Variants in RSU1 observed in about 807,000 individuals in gnomAD.
The protein encoded by RSU1 is rsu-1.
In RSU1, 26 loss-of-function variants were observed where a neutral mutation model predicts 31.1. The ratio of observed to expected loss-of-function variants is 0.84; its 90% CI spans 0.61 to 1.16. The LOEUF (loss-of-function observed/expected upper bound fraction) is 1.16. Among genes scored for constraint, RSU1 ranks in the 50% most tolerant of loss-of-function variants. The pLI is 0.00. For synonymous variants in RSU1, 164 were observed against 136.3 expected (o/e 1.20, Z -1.41); for missense variants, 320 against 339.1 (o/e 0.94, Z 0.44).
chr10:16,678,466 A>G (rs950781656), intron 8 of RSU1, among the ~76,000 whole-genome samples: 9 of 152,184 alleles, frequency 5.9e-5, no homozygotes, highest in African/African-American at 2.2e-4. Context: ...TTACGAGGTG[A>G]TATCACCTTG....
At chr10:16,646,288 C>T (rs911265549) in intron 8 of RSU1, among the ~76,000 whole-genome samples, 5 of 152,052 alleles carry the variant, frequency 3.3e-5, no homozygotes, top group African/African-American at 1.2e-4. Context: ...GTCAGGAACG[C>T]TGTGTTCAAC....
chr10:16,749,927 T>C (rs1367403799), intron 7 of RSU1, among the ~76,000 whole-genome samples: 1 of 152,156 alleles, frequency 6.6e-6, no homozygotes, highest in Non-Finnish European at 1.5e-5. Flanking sequence ...GACCTCACCG[T>C]GATCAGGAAG....
chr10:16,762,911 G>A (rs1317755978), intron 4 of RSU1, among the ~76,000 whole-genome samples: 2 of 151,858 alleles, frequency 1.3e-5, no homozygotes, highest in African/African-American at 2.4e-5. Flanking sequence ...TACTCGGGAC[G>A]CTGAGGGAGG....
In RSU1 at chr10:16,645,861, C is replaced by CGTATATATATATAT. The variant is rs1834529930; in HGVS notation, c.731+49161_731+49162insATATATATATATAC. Among the ~76,000 whole-genome samples, 15 of 112,246 alleles carry CGTATATATATATAT rather than the reference C, an allele frequency of 1.3e-4. 2 individuals are homozygous for CGTATATATATATAT. Among genetic ancestry groups the CGTATATATATATAT allele is most frequent in the African/African-American group, 5.7e-4 (15 of 26,188 alleles). The allele number at this position is 112,246 out of a possible 152,430, so 73.6% of individuals were successfully genotyped here. Reference sequence around the variant, plus strand: ...TGTCTAGAAGGTTTTAAAATATATACGTATATATACATATATGTGTATATA... The same window carrying CGTATATATATATAT: ...TGTCTAGAAGGTTTTAAAATATATACGTATATATATATATGTATATATACATATATGTGTATATA... On this transcript the variant is annotated intron_variant, in intron 8 of 8. Transcript: ENST00000345264.
chr10:16,696,625 C>A (rs1008330749), intron 7 of RSU1, among the ~76,000 whole-genome samples: 1 of 152,192 alleles, frequency 6.6e-6, no homozygotes, highest in Non-Finnish European at 1.5e-5. Context: ...AGATCCATTT[C>A]TCTCCAAGAT....
intron 7 of RSU1, among the ~76,000 whole-genome samples, chr10:16,703,580 A>G (rs1185687829): frequency 6.6e-6 from 1 of 152,206 alleles, no homozygotes; most frequent in African/African-American, 2.4e-5. Context: ...ATTATGAGAC[A>G]CTCAGAGCAT....
chr10:16,636,255 C>T (rs762173197), intron 8 of RSU1, among the ~76,000 whole-genome samples: 1 of 152,086 alleles, frequency 6.6e-6, no homozygotes, highest in Non-Finnish European at 1.5e-5. Flanking sequence ...TAACTATCCC[C>T]AAACTGCCCC....
chr10:16,671,612 C>T (rs140389573), intron 8 of RSU1, among the ~76,000 whole-genome samples: 6 of 151,716 alleles, frequency 4.0e-5, no homozygotes, highest in South Asian at 2.1e-4. Flanking sequence ...CCACACCTGA[C>T]TCAAAGGTGT....
intron 7 of RSU1, among the ~76,000 whole-genome samples, chr10:16,699,788 C>T (rs1165065445): frequency 6.6e-6 from 1 of 152,218 alleles, no homozygotes; most frequent in East Asian, 1.9e-4. Flanking sequence ...ACTGGGGAAG[C>T]CAGGCAGCGC....
At chr10:16,748,217 T>C (rs1184850847) in intron 7 of RSU1, 2 of 152,228 alleles carry the variant, frequency 1.3e-5, no homozygotes, top group African/African-American at 2.4e-5. Context: ...GGAGCTAAAA[T>C]TGAGGTGCCA....
chr10:16,672,594 C>T (rs1835129644), intron 8 of RSU1, among the ~76,000 whole-genome samples: 1 of 149,266 alleles, frequency 6.7e-6, no homozygotes, highest in Admixed American at 6.7e-5. Context: ...AATACTTATG[C>T]TGAATGAAAG....
intron 8 of RSU1, among the ~76,000 whole-genome samples, chr10:16,674,399 G>GT (rs79255856): frequency 0.063 from 8,830 of 139,926 alleles, 696 homozygotes; most frequent in African/African-American, 0.19. Context: ...GTCACGGAAG[G>GT]TTTTTTTTTT....
chr10:16,736,987 A>C (rs1399700080), intron 7 of RSU1, among the ~76,000 whole-genome samples: 2 of 143,258 alleles, frequency 1.4e-5, no homozygotes, highest in Admixed American at 1.4e-4. Flanking sequence ...ACAGTGCACA[A>C]GAAACTATCC....
intron 8 of RSU1, among the ~76,000 whole-genome samples, chr10:16,683,868 C>T (rs1835384753): frequency 6.6e-6 from 1 of 152,220 alleles, no homozygotes; most frequent in South Asian, 2.1e-4. Context: ...CAACTTCGAA[C>T]AATTCGAAGC....
intron 2 of RSU1, among the ~76,000 whole-genome samples, chr10:16,792,684 C>A (rs1564360148): frequency 6.6e-6 from 1 of 152,244 alleles, no homozygotes; most frequent in Non-Finnish European, 1.5e-5. Flanking sequence ...GTAGACAGAA[C>A]CCTCGGCAGT....
At position 16,592,145 on chromosome 10, in the gene RSU1, T is replaced by A. The variant is rs1333779675; in HGVS notation, c.*1249A>T. Reference sequence around the variant, plus strand: ...GAAGCCGAAAGGATACAGCAGAGATTTTATATGCCCCAGTGGGTCCTGGTC... The same window carrying A: ...GAAGCCGAAAGGATACAGCAGAGATATTATATGCCCCAGTGGGTCCTGGTC... On this transcript the variant is annotated 3_prime_UTR_variant, in exon 9 of 9. Coordinates refer to ENST00000345264, the MANE Select transcript of RSU1 (RefSeq NM_012425.4). 1 of 149,582 alleles carries A rather than the reference T, an allele frequency of 6.7e-6. No individual in the cohort carries two copies. Among genetic ancestry groups the A allele is most frequent in the Non-Finnish European group, 1.5e-5 (1 of 67,862 alleles). The allele number at this position is 149,582 out of a possible 1,614,324, so 9.3% of individuals were successfully genotyped here. A position where few individuals can be genotyped will look rare whatever the true frequency, so the allele number is the denominator to read the frequency against.
chr10:16,698,256 C>A (rs1444949082), intron 7 of RSU1, among the ~76,000 whole-genome samples: 3 of 152,050 alleles, frequency 2.0e-5, no homozygotes, highest in African/African-American at 7.2e-5. Flanking sequence ...CACAAGCTCC[C>A]TTCCGCCGAG....
intron 7 of RSU1, among the ~76,000 whole-genome samples, chr10:16,719,160 T>C (rs1836205052): frequency 6.6e-6 from 1 of 151,794 alleles, no homozygotes; most frequent in Non-Finnish European, 1.5e-5. Context: ...GATAAAAAAT[T>C]CGCCGAGTGT....
At chr10:16,669,603 T>C (rs918301608) in intron 8 of RSU1, among the ~76,000 whole-genome samples, 2 of 152,134 alleles carry the variant, frequency 1.3e-5, no homozygotes, top group Non-Finnish European at 2.9e-5. Context: ...TTGTTTTATG[T>C]GTGTGTGTTG....
Sources: gnomAD v4.1 joint callset for allele counts (sites outside exome capture counted in the v4.1 genomes callset) on GRCh38, gnomAD v4.1.1 for gene constraint, MANE v1.5 for transcripts, NCBI Gene and HGNC (gene_info 2026-07-23, HGNC 2026-07-21) for gene names.